SMPD3: variants seen among roughly 807,000 people sequenced by gnomAD.
SMPD3 encodes sphingomyelin phosphodiesterase 3.
A neutral mutation model predicts 55.7 loss-of-function variants in SMPD3; 21 were observed. The observed-to-expected ratio is 0.38, with a 90% CI of 0.27 to 0.54. The LOEUF is 0.54. Ranked by LOEUF, SMPD3 falls within the 20% of genes least tolerant of loss-of-function variation. The pLI is 0.80. For synonymous variants in SMPD3, 457 were observed against 404.3 expected, an observed-to-expected ratio of 1.13 and a Z score of -1.56; for missense variants, 842 against 899.6, an observed-to-expected ratio of 0.94 and a Z score of 0.82.
At position 68,371,371 on chromosome 16, in the gene SMPD3, C is replaced by T; in HGVS notation, c.811G>A (p.Ala271Thr). ...PVPGGQARNG[A>T]GGGPRGQTPN... ...GTCTGGCCCCTTGGGCCCCCGCCAG[C>T]TCCGTTCCTGGCCTGGCCCCCAGGC... The change falls in exon 3 of 9, where the codon GCT (alanine) becomes ACT (threonine). Residue 271 changes from alanine (A) to threonine (T), a missense_variant. Ala to Thr is a moderately conservative substitution (Grantham distance 58). This residue lies in a region of SMPD3 where 649 missense variants were observed against 643.6 expected (regional missense o/e 1.01). Transcript: ENST00000219334. The T allele has an allele frequency of 3.2e-6, 5 of 1,573,366 alleles. No individual in the cohort carries two copies. The highest frequency in any genetic ancestry group is 2.3e-5 in the South Asian group (2 of 86,446).
At chr16:68,364,600 G>A (rs775714278) in intron 5 of SMPD3, 151 bp downstream of exon 5, 27 of 849,372 alleles carry the variant, frequency 3.2e-5, no homozygotes, top group Non-Finnish European at 4.5e-5. Context: ...GATTTCTAGG[G>A]GGCAGAGAAA....
At position 68,359,496 on chromosome 16, in the gene SMPD3, C is replaced by G. The variant is rs983038696; in HGVS notation, c.*1710G>C. On this transcript the variant is annotated 3_prime_UTR_variant, in exon 9 of 9. Transcript: ENST00000219334. Reference sequence around the variant, plus strand: ...GTCCTAGCGCCAGGCTCCCTGGGCTCTGCAGCGTTGTCTGCCCCAGCACAG... The same window carrying G: ...GTCCTAGCGCCAGGCTCCCTGGGCTGTGCAGCGTTGTCTGCCCCAGCACAG... 1 of 152,784 alleles carries G rather than the reference C, an allele frequency of 6.5e-6. No individual in the cohort carries two copies. Among genetic ancestry groups the G allele is most frequent in the Admixed American group, 6.5e-5 (1 of 15,288 alleles). The allele number at this position is 152,784 out of a possible 1,614,324, so 9.5% of individuals were successfully genotyped here.
chr16:68,435,088 G>A (rs1474495096), intron 1 of SMPD3, among the ~76,000 whole-genome samples: 2 of 151,192 alleles, frequency 1.3e-5, no homozygotes, highest in African/African-American at 2.4e-5. Context: ...CCTGTGTTTG[G>A]AAGCCCTTCC....
At chr16:68,428,713 C>A (rs2090456884) in intron 1 of SMPD3, among the ~76,000 whole-genome samples, 1 of 152,202 alleles carries the variant, frequency 6.6e-6, no homozygotes, top group South Asian at 2.1e-4. Flanking sequence ...TTGCAAGAGG[C>A]AGTCCCTAAG....
chr16:68,411,511 AGGGAT>A (rs1232130100), intron 1 of SMPD3, among the ~76,000 whole-genome samples: 8 of 152,184 alleles, frequency 5.3e-5, no homozygotes, highest in Middle Eastern at 3.4e-3. Context: ...CTGGTGAGTG[AGGGAT>A]GGGAGGGTGA....
chr16:68,362,359 G>A (rs1333418327), intron 7 of SMPD3, among the ~76,000 whole-genome samples: 3 of 152,244 alleles, frequency 2.0e-5, no homozygotes, highest in Non-Finnish European at 2.9e-5. Flanking sequence ...CCATGATGGT[G>A]CTAGGGGATC....
intron 1 of SMPD3, among the ~76,000 whole-genome samples, chr16:68,430,337 C>T (rs2090469512): frequency 6.6e-6 from 1 of 152,204 alleles, no homozygotes; most frequent in African/African-American, 2.4e-5. Flanking sequence ...ATGCTTCCTA[C>T]CTCCTCCCCA....
chr16:68,442,857 C>T (rs897200462), intron 1 of SMPD3, among the ~76,000 whole-genome samples: 1 of 152,210 alleles, frequency 6.6e-6, no homozygotes, highest in African/African-American at 2.4e-5. Flanking sequence ...GGTGCCGGGT[C>T]CTTGGCTTCC....
chr16:68,377,791 G>C (rs2089855704), intron 2 of SMPD3, among the ~76,000 whole-genome samples: 1 of 152,222 alleles, frequency 6.6e-6, no homozygotes, highest in African/African-American at 2.4e-5. Flanking sequence ...GGCTCTGCTT[G>C]CACAGTGGTG....
At chr16:68,381,247 A>T (rs2089944594) in intron 2 of SMPD3, among the ~76,000 whole-genome samples, 1 of 152,176 alleles carries the variant, frequency 6.6e-6, no homozygotes, top group Non-Finnish European at 1.5e-5. Flanking sequence ...TACACATGGC[A>T]CCATGAAAGA....
intron 1 of SMPD3, among the ~76,000 whole-genome samples, chr16:68,410,245 T>C (rs1001366133): frequency 2.6e-5 from 4 of 152,044 alleles, no homozygotes. Context: ...TCCACAGGTG[T>C]CAGGAAGCAC....
intron 1 of SMPD3, among the ~76,000 whole-genome samples, chr16:68,399,189 G>A (rs368981043): frequency 6.6e-6 from 1 of 152,120 alleles, no homozygotes; most frequent in African/African-American, 2.4e-5. Flanking sequence ...GGTGGGCTTG[G>A]GGGGAGGTCA....
chr16:68,361,858 C>A, intron 7 of SMPD3, 99 bp from the exon 8 acceptor site: 1 of 536,288 alleles, frequency 1.9e-6, no homozygotes, highest in Non-Finnish European at 3.3e-6. Flanking sequence ...AGTGTGGGAG[C>A]GGGTGGGTGG....
At chr16:68,406,068 A>G (rs780286069) in intron 1 of SMPD3, among the ~76,000 whole-genome samples, 21 of 151,952 alleles carry the variant, frequency 1.4e-4, no homozygotes, top group Non-Finnish European at 2.1e-4. Flanking sequence ...TTGAACCCCC[A>G]ATGGTCTGAT....
At chr16:68,393,891 G>A (rs1194170205) in intron 1 of SMPD3, among the ~76,000 whole-genome samples, 1 of 152,182 alleles carries the variant, frequency 6.6e-6, no homozygotes, top group Non-Finnish European at 1.5e-5. Context: ...CATAACTGAT[G>A]TGGTTAGAAT....
At position 68,447,429 on chromosome 16, in the gene SMPD3, T is replaced by C. The variant is rs995371851; in HGVS notation, c.-269+924A>G. ...GCTCGGTCCCCGGGGCGTGGTGGGC[T>C]AGGGCGGGTCGTCTCGACTTAGAGC... On this transcript the variant is annotated intron_variant, in intron 1 of 8. Coordinates refer to ENST00000219334, the MANE Select transcript of SMPD3 (RefSeq NM_018667.4). The surrounding 1 kb of genome is among the most constrained non-coding windows in gnomAD (Gnocchi z 5.1). Among the ~76,000 whole-genome samples, 4 of 152,136 alleles carry C rather than the reference T, an allele frequency of 2.6e-5. No individual in the cohort carries two copies. Among genetic ancestry groups the C allele is most frequent in the Admixed American group, 2.0e-4 (3 of 15,286 alleles).
rs2089677993 is a variant in SMPD3 at position 68,371,766 on chromosome 16, G to A, written c.416C>T (p.Ala139Val). 1.2e-6 allele frequency: 2 copies of A among 1,611,354 alleles called. No homozygotes were observed. Among genetic ancestry groups the A allele is most frequent in the African/African-American group, 1.3e-5 (1 of 74,932 alleles). ...GGTGTTAAAAAGGTTGTTGACCCTGGCGAGTGAGTCGGGCAGGAGGCAGAC... is the reference window on the plus strand; with the variant it reads ...GGTGTTAAAAAGGTTGTTGACCCTGACGAGTGAGTCGGGCAGGAGGCAGAC... ...ANVCLLPDSL[A>V]RVNNLFNTQA... Residue 139 changes from alanine (A) to valine (V), a missense_variant, in exon 3 of 9, where the codon GCC (alanine) becomes GTC (valine). Ala to Val is a moderately conservative substitution (Grantham distance 64). This residue lies in a region of SMPD3 where 193 missense variants were observed against 256.0 expected (regional missense o/e 0.75). Transcript: ENST00000219334.
At chr16:68,446,179 G>T (rs1353346401) in intron 1 of SMPD3, among the ~76,000 whole-genome samples, 1 of 152,160 alleles carries the variant, frequency 6.6e-6, no homozygotes, top group Non-Finnish European at 1.5e-5. Flanking sequence ...CTTTGGAGCA[G>T]CCTATTACAG....
intron 1 of SMPD3, among the ~76,000 whole-genome samples, chr16:68,394,281 T>G (rs1305335643): frequency 6.6e-6 from 1 of 152,232 alleles, no homozygotes; most frequent in Admixed American, 6.5e-5. Context: ...TCCTCTGTTT[T>G]CTTTGTCTAC....
Sources: gnomAD v4.1 joint callset for allele counts (sites outside exome capture counted in the v4.1 genomes callset) on GRCh38, gnomAD v4.1.1 for gene constraint, gnomAD v4.1.1 regional missense constraint, Gnocchi (gnomAD v3.1) non-coding constraint, MANE v1.5 for transcripts, NCBI Gene and HGNC (gene_info 2026-07-23, HGNC 2026-07-21) for gene names.